The following CENPS variants were observed in gnomAD, a reference collection of about 807,000 sequenced individuals.
The protein encoded by CENPS is FANCM associated histone fold protein 1.
In CENPS, 16 loss-of-function variants were observed where a neutral mutation model predicts 17.9. That is an observed-to-expected ratio of 0.90 (90% confidence interval 0.61 to 1.36). The LOEUF (loss-of-function observed/expected upper bound fraction) is 1.36, where lower values mean the gene tolerates loss of function less well. CENPS is among the 40% of genes most tolerant of loss of function. The probability of loss-of-function intolerance (pLI) is 0.00; values close to 1 mark genes in which losing one functional copy is unlikely to be tolerated. For missense variants in CENPS, 160 were observed against 158.6 expected, an observed-to-expected ratio of 1.01 and a Z score of -0.05; for synonymous variants, 49 against 55.8, an observed-to-expected ratio of 0.88 and a Z score of 0.54.
At chr1:10,430,839 C>T (rs918955460) in intron 1 of CENPS, 65 of 1,337,284 alleles carry the variant, frequency 4.9e-5, no homozygotes, top group Non-Finnish European at 1.4e-5. Flanking sequence ...AGGCCACCTT[C>T]TGGCCTTGCG....
intron 1 of CENPS, among the ~76,000 whole-genome samples, chr1:10,431,658 C>A (rs752697141): frequency 6.6e-6 from 1 of 151,998 alleles, no homozygotes; most frequent in Non-Finnish European, 1.5e-5. Context: ...GAGTTCGAGA[C>A]CAGACTGGCC....
At position 10,434,095 on chromosome 1, in the gene CENPS, C is replaced by T. The variant is rs985543964; in HGVS notation, c.175+130C>T. 67 of 1,488,596 alleles carry T rather than the reference C, an allele frequency of 4.5e-5. 1 individual carries two copies. The highest frequency in any genetic ancestry group is 1.7e-4 in the Admixed American group (8 of 46,434). The allele number at this position is 1,488,596 out of a possible 1,614,324, so 92.2% of individuals were successfully genotyped here. A position where few individuals can be genotyped will look rare whatever the true frequency, so the allele number is the denominator to read the frequency against. Reference sequence around the variant, plus strand: ...AAGAATATTATCATCCTCATGCGTTCTTCGTGAAACACTTCTCTTCTTGGC... The same window carrying T: ...AAGAATATTATCATCCTCATGCGTTTTTCGTGAAACACTTCTCTTCTTGGC... On this transcript the variant is annotated intron_variant, in intron 2 of 4. Transcript: ENST00000309048.
chr1:10,435,952 C>T (rs900792985), intron 3 of CENPS, among the ~76,000 whole-genome samples: 12 of 150,300 alleles, frequency 8.0e-5, no homozygotes, highest in Non-Finnish European at 1.5e-4. Context: ...TTCGGATATT[C>T]TGTGTTTTTT....
rs369886397 is a variant in CENPS at position 10,442,414 on chromosome 1, G to A, written c.*9G>A. 1.3e-4 allele frequency: 208 copies of A among 1,564,444 alleles called. No individual in the cohort carries two copies. Among genetic ancestry groups the A allele is most frequent in the African/African-American group, 6.1e-4 (44 of 71,644 alleles). The stretch of plus-strand genomic sequence containing the variant: ...TGGAAAGTGAGAATTAAAGTCCCTC[G>A]CCGCTTGGAAAGTGCAGCCTTCTAC... On this transcript the variant is annotated 3_prime_UTR_variant, in exon 5 of 5. Coordinates refer to ENST00000309048, the MANE Select transcript of CENPS (RefSeq NM_199294.3).
At chr1:10,432,036 G>T (rs772003274) in intron 1 of CENPS, among the ~76,000 whole-genome samples, 1 of 151,714 alleles carries the variant, frequency 6.6e-6, no homozygotes, top group African/African-American at 2.4e-5. Flanking sequence ...AGTTAAGGAT[G>T]GTGCATTGCA....
intron 4 of CENPS, among the ~76,000 whole-genome samples, chr1:10,441,313 CTTTTTTTT>C (rs747986112): frequency 1.8e-5 from 2 of 109,574 alleles, no homozygotes; most frequent in Non-Finnish European, 3.7e-5. Flanking sequence ...TGTGCCACAA[CTTTTTTTT>C]TTTTTTTTTT....
chr1:10,436,579 G>T (rs545542230), intron 3 of CENPS, among the ~76,000 whole-genome samples: 3 of 151,320 alleles, frequency 2.0e-5, no homozygotes, highest in Middle Eastern at 6.8e-3. Context: ...GGCAGCATGC[G>T]CCTGTAATCT....
Position 10,430,537 on chromosome 1 carries a change from C to T in CENPS, c.20C>T (p.Thr7Ile), listed in dbSNP as rs1353501800. 6.5e-7 allele frequency: 1 copy of T among 1,536,978 alleles called. No individual in the cohort carries two copies. The highest frequency in any genetic ancestry group is 8.8e-7 in the Non-Finnish European group (1 of 1,142,184). ...GCAGTGATGGAGGAGGAGGCGGAGA[C>T]CGAGGAGCAGCAGCGATTCTCTTAC... MEEEAE[T>I]EEQQRFSYQQ... The change falls in exon 1 of 5, where the codon ACC becomes ATC. Residue 7 changes from threonine (T) to isoleucine (I), a missense_variant. Coordinates refer to ENST00000309048, the MANE Select transcript of CENPS (RefSeq NM_199294.3).
At chr1:10,442,135 C>T in intron 4 of CENPS, 130 bp from the exon 5 acceptor site, 1 of 1,206,368 alleles carries the variant, frequency 8.3e-7, no homozygotes, top group South Asian at 1.9e-5. Context: ...AAATGTAACC[C>T]AGGCTTTGGC....
At chr1:10,431,990 T>C (rs1042255730) in intron 1 of CENPS, among the ~76,000 whole-genome samples, 3 of 152,126 alleles carry the variant, frequency 2.0e-5, no homozygotes, top group Admixed American at 6.6e-5. Context: ...CTAAAGATGT[T>C]TCTTTTAACT....
intron 1 of CENPS, among the ~76,000 whole-genome samples, chr1:10,432,630 G>A (rs1289287736): frequency 6.6e-6 from 1 of 151,978 alleles, no homozygotes; most frequent in Non-Finnish European, 1.5e-5. Flanking sequence ...AGCCCAGCCA[G>A]GGGGAGGGGA....
chr1:10,440,454 G>A, intron 4 of CENPS, 41 bp downstream of exon 4: 1 of 1,608,088 alleles, frequency 6.2e-7, no homozygotes, highest in Non-Finnish European at 8.5e-7. Context: ...TTTCCCATCG[G>A]AATACATTAT....
In CENPS at chr1:10,434,694, G is replaced by C; in HGVS notation, c.209+4G>C. ...AAGACCTTGAAATGTTTGCAAGGTG[G>C]GTAGAGAACTTGATTATCCGACACT... On this transcript the variant is annotated splice_donor_region_variant and intron_variant, in intron 3 of 4. Transcript: ENST00000309048. The C allele has an allele frequency of 6.2e-7, 1 of 1,604,368 alleles. No individual in the cohort carries two copies. Among genetic ancestry groups the C allele is most frequent in the Middle Eastern group, 1.7e-4 (1 of 6,034 alleles).
chr1:10,437,915 A>C (rs1484780158), intron 3 of CENPS, among the ~76,000 whole-genome samples: 1 of 150,492 alleles, frequency 6.6e-6, no homozygotes, highest in Non-Finnish European at 1.5e-5. Context: ...GGCAAATGCC[A>C]CCACACCCAC....
intron 1 of CENPS, 47 bp downstream of exon 1, chr1:10,430,615 A>T: frequency 6.6e-7 from 1 of 1,523,852 alleles, no homozygotes; most frequent in African/African-American, 1.4e-5. Context: ...GACGGCGTCG[A>T]GTTTCTGGAC....
intron 1 of CENPS, among the ~76,000 whole-genome samples, chr1:10,432,170 C>T (rs1004735318): frequency 1.3e-5 from 2 of 152,064 alleles, no homozygotes; most frequent in Non-Finnish European, 2.9e-5. Flanking sequence ...TCACTGCAAC[C>T]TCCACCTCCC....
intron 2 of CENPS, among the ~76,000 whole-genome samples, chr1:10,434,356 C>T (rs1557775281): frequency 2.0e-5 from 3 of 152,112 alleles, no homozygotes; most frequent in African/African-American, 4.8e-5. Context: ...ACCTCACAAG[C>T]CTTAACTGTA....
At chr1:10,438,300 A>G (rs1320008190) in intron 3 of CENPS, among the ~76,000 whole-genome samples, 1 of 151,916 alleles carries the variant, frequency 6.6e-6, no homozygotes, top group African/African-American at 2.4e-5. Flanking sequence ...GCCCACCACC[A>G]TGCCCGGGTA....
chr1:10,438,013 C>T (rs779159550), intron 3 of CENPS, among the ~76,000 whole-genome samples: 18 of 152,188 alleles, frequency 1.2e-4, no homozygotes, highest in South Asian at 2.1e-4. Context: ...CCGCCTGCCT[C>T]GGCCTCCCAA....
Sources: gnomAD v4.1 joint callset for allele counts (sites outside exome capture counted in the v4.1 genomes callset) on GRCh38, gnomAD v4.1.1 for gene constraint, MANE v1.5 for transcripts, NCBI Gene and HGNC (gene_info 2026-07-23, HGNC 2026-07-21) for gene names.